Variants in MACROD2 observed in about 807,000 individuals in gnomAD.
MACROD2 encodes mono-ADP ribosylhydrolase 2.
Under a neutral mutation model 70.4 loss-of-function variants are expected in MACROD2, and 36 were observed. The ratio of observed to expected loss-of-function variants is 0.51; its 90% CI spans 0.39 to 0.68. The LOEUF (loss-of-function observed/expected upper bound fraction) is 0.68, where lower values mean the gene tolerates loss of function less well. Among genes scored for constraint, MACROD2 ranks in the 30% least tolerant of loss-of-function variants. The probability of loss-of-function intolerance (pLI) is 0.00; values close to 1 mark genes in which losing one functional copy is unlikely to be tolerated. For missense variants in MACROD2, 496 were observed against 538.4 expected (o/e 0.92, Z 0.78); for synonymous variants, 172 against 178.8 (o/e 0.96, Z 0.30).
intron 8 of MACROD2, among the ~76,000 whole-genome samples, chr20:15,604,210 C>T (rs1210212445): frequency 6.6e-6 from 1 of 152,184 alleles, no homozygotes; most frequent in Non-Finnish European, 1.5e-5. Context: ...AGAGTTTTGG[C>T]ATCCACAAAC....
At chr20:15,219,346 C>T (rs2076838458) in intron 5 of MACROD2, among the ~76,000 whole-genome samples, 1 of 152,192 alleles carries the variant, frequency 6.6e-6, no homozygotes, top group Non-Finnish European at 1.5e-5. Flanking sequence ...GACTGATCTA[C>T]TGGGCCCAGC....
intron 3 of MACROD2, among the ~76,000 whole-genome samples, chr20:14,361,865 C>A (rs1184148088): frequency 6.6e-6 from 1 of 152,206 alleles, no homozygotes; most frequent in African/African-American, 2.4e-5. Flanking sequence ...ACTTTTCTGA[C>A]ATTTGGGCTT....
chr20:14,794,846 A>G (rs146156174), intron 5 of MACROD2, among the ~76,000 whole-genome samples: 1 of 152,226 alleles, frequency 6.6e-6, no homozygotes, highest in African/African-American at 2.4e-5. Flanking sequence ...CAGCAATTAA[A>G]CACAGAAACA....
chr20:14,150,591 TC>T (rs2055005548), intron 3 of MACROD2, among the ~76,000 whole-genome samples: 1 of 152,236 alleles, frequency 6.6e-6, no homozygotes, highest in Non-Finnish European at 1.5e-5. Flanking sequence ...TGATTATCTC[TC>T]ATTTTTGATT....
At chr20:15,527,050 C>A (rs2047731377) in intron 8 of MACROD2, among the ~76,000 whole-genome samples, 1 of 152,022 alleles carries the variant, frequency 6.6e-6, no homozygotes, top group African/African-American at 2.4e-5. Flanking sequence ...TAAAATAAAA[C>A]CTTTAAGTAT....
intron 7 of MACROD2, among the ~76,000 whole-genome samples, chr20:15,433,995 G>A (rs2146362355): frequency 6.6e-6 from 1 of 152,096 alleles, no homozygotes; most frequent in East Asian, 1.9e-4. Context: ...CAAGCCACAA[G>A]TAGAATGAAA....
rs554340306 is a variant in MACROD2 at position 16,045,516 on chromosome 20, G to A, written c.1300+877G>A. Among the ~76,000 whole-genome samples, 422 of 152,170 alleles carry A rather than the reference G, an allele frequency of 2.8e-3. 2 individuals are homozygous for A. The highest frequency in any genetic ancestry group is 0.014 in the Middle Eastern group (4 of 294). ...AGAATTTTAGGCTCCTTTTCTCTTT[G>A]AGGAAAAGGAACAGAGAGGTGGTTG... On this transcript the variant is annotated intron_variant, in intron 17 of 17. Coordinates refer to ENST00000684519, the MANE Select transcript of MACROD2 (RefSeq NM_001351661.2).
rs546055731 is a variant in MACROD2, at chr20:15,525,970, G to C, written c.645+26123G>C. ...TTCTTGGGACAAATTAATATTGATG[G>C]TTAGAAATAATAAAATAAAAAGATG... On this transcript the variant is annotated intron_variant, in intron 8 of 17. Transcript: ENST00000684519. 8.5e-5 allele frequency among the ~76,000 whole-genome samples: 13 copies of C among 152,192 alleles called. 1 individual carries two copies. The South Asian group carries it at 2.5e-3, about 29-fold the overall frequency.
intron 10 of MACROD2, among the ~76,000 whole-genome samples, chr20:15,897,476 C>T (rs1231681037): frequency 1.3e-5 from 2 of 152,122 alleles, no homozygotes; most frequent in African/African-American, 4.8e-5. Flanking sequence ...TCACGTATCA[C>T]TGCACCAAAT....
chr20:15,967,520 T>C (rs1316152177), intron 12 of MACROD2, 33 bp from the exon 13 acceptor site: 3 of 1,572,898 alleles, frequency 1.9e-6, no homozygotes, highest in Non-Finnish European at 2.6e-6. Context: ...AAGTTAAAAA[T>C]GCTGACCAAA....
intron 8 of MACROD2, among the ~76,000 whole-genome samples, chr20:15,774,049 C>G (rs1306154897): frequency 6.6e-6 from 1 of 152,152 alleles, no homozygotes; most frequent in Non-Finnish European, 1.5e-5. Flanking sequence ...AATATTTTCT[C>G]TCTTTCTCTC....
At chr20:15,943,406 G>A (rs148128104) in intron 12 of MACROD2, among the ~76,000 whole-genome samples, 3 of 152,120 alleles carry the variant, frequency 2.0e-5, no homozygotes, top group East Asian at 1.9e-4. Flanking sequence ...CCCACTAAGC[G>A]TCCTCACCCC....
chr20:14,417,051 TATCTATCTATCTATC>T (rs199622899), intron 3 of MACROD2, among the ~76,000 whole-genome samples: 5,018 of 84,936 alleles, frequency 0.059, 124 homozygotes, highest in South Asian at 0.22. Flanking sequence ...ATCTATTATC[TATCTATCTATCTATC>T]ATCTATCTAT....
At chr20:15,690,494 G>T (rs1175983843) in intron 8 of MACROD2, among the ~76,000 whole-genome samples, 1 of 152,148 alleles carries the variant, frequency 6.6e-6, no homozygotes, top group Non-Finnish European at 1.5e-5. Flanking sequence ...TATAGGGTGA[G>T]GGCAGCACCA....
At chr20:15,348,463 A>T (rs928633973) in intron 6 of MACROD2, among the ~76,000 whole-genome samples, 1 of 152,220 alleles carries the variant, frequency 6.6e-6, no homozygotes, top group Non-Finnish European at 1.5e-5. Context: ...ATGTTGATTA[A>T]AAGAAGAAAT....
At chr20:14,027,020 A>C (rs969091267) in intron 2 of MACROD2, among the ~76,000 whole-genome samples, 3 of 152,158 alleles carry the variant, frequency 2.0e-5, no homozygotes, top group Non-Finnish European at 4.4e-5. Flanking sequence ...ACCTCCCAGC[A>C]GGGGTCGACA....
At chr20:15,776,227 A>G (rs571348228) in intron 8 of MACROD2, among the ~76,000 whole-genome samples, 1 of 152,268 alleles carries the variant, frequency 6.6e-6, no homozygotes, top group South Asian at 2.1e-4. Flanking sequence ...CCATGTGTTC[A>G]TGTCTTACCC....
chr20:14,336,058 G>A (rs914390251), intron 3 of MACROD2, among the ~76,000 whole-genome samples: 8 of 151,868 alleles, frequency 5.3e-5, no homozygotes, highest in Middle Eastern at 3.2e-3. Flanking sequence ...TGTCACTTTG[G>A]GTCAGGTATA....
intron 3 of MACROD2, among the ~76,000 whole-genome samples, chr20:14,462,872 C>G: frequency 6.6e-6 from 1 of 151,938 alleles, no homozygotes; most frequent in Non-Finnish European, 1.5e-5. Context: ...TCTGAGGGCT[C>G]TGTTCTGTTC....
Sources: allele counts gnomAD v4.1 joint callset (sites outside exome capture counted in the v4.1 genomes callset), GRCh38; gene constraint gnomAD v4.1.1; transcripts MANE v1.5; gene names NCBI Gene and HGNC (gene_info 2026-07-23, HGNC 2026-07-21).